The following NFIA variants were observed in gnomAD, a reference collection of about 807,000 sequenced individuals.
NFIA encodes the protein nuclear factor I A, also known as nuclear factor 1 A-type.
In NFIA, 8 loss-of-function variants were observed where a neutral mutation model predicts 62.8. The observed-to-expected ratio is 0.13, with a 90% CI of 0.07 to 0.23. The LOEUF is 0.23. Ranked by LOEUF, NFIA falls within the 10% of genes least tolerant of loss-of-function variation. The pLI is 1.00. For synonymous variants in NFIA, 235 were observed against 238.1 expected (o/e 0.99, Z 0.12); for missense variants, 410 against 642.1 (o/e 0.64, Z 3.91).
intron 2 of NFIA, among the ~76,000 whole-genome samples, chr1:61,154,844 TG>T (rs1278622017): frequency 6.6e-6 from 1 of 152,252 alleles, no homozygotes; most frequent in African/African-American, 2.4e-5. Flanking sequence ...GACCTATGAC[TG>T]TTAAAGCAGT....
chr1:61,211,507 C>T (rs947282233), intron 2 of NFIA, among the ~76,000 whole-genome samples: 4 of 152,106 alleles, frequency 2.6e-5, no homozygotes, highest in African/African-American at 9.7e-5. Context: ...TCTCAACAAC[C>T]TTTTAAGTCT....
intron 7 of NFIA, among the ~76,000 whole-genome samples, chr1:61,393,690 T>TC (rs1267531791): frequency 1.3e-5 from 2 of 152,050 alleles, no homozygotes; most frequent in Non-Finnish European, 1.5e-5. Context: ...GACAGAGAGT[T>TC]CCCCAAAGAA....
intron 2 of NFIA, among the ~76,000 whole-genome samples, chr1:61,255,158 GAGAAA>G (rs763472349): frequency 9.2e-5 from 14 of 152,242 alleles, no homozygotes; most frequent in Admixed American, 6.5e-4. Context: ...AGACTCAAAA[GAGAAA>G]AGAAAAAGCA....
chr1:61,118,659 AGTGTGTGTGT>A (rs5774536), intron 2 of NFIA, among the ~76,000 whole-genome samples: 11,298 of 145,122 alleles, frequency 0.078, 477 homozygotes, highest in East Asian at 0.1. Context: ...GGTCGGGATG[AGTGTGTGTGT>A]GTGTGTGTGT....
At chr1:61,294,187 T>C (rs1265340172) in intron 3 of NFIA, among the ~76,000 whole-genome samples, 2 of 152,226 alleles carry the variant, frequency 1.3e-5, no homozygotes, top group African/African-American at 4.8e-5. Flanking sequence ...AATTTCTTAA[T>C]GCTTACATTG....
intron 10 of NFIA, among the ~76,000 whole-genome samples, chr1:61,433,550 TCA>T (rs57237214): frequency 4.6e-5 from 7 of 150,682 alleles, no homozygotes; most frequent in East Asian, 3.9e-4. Context: ...GTATATATAC[TCA>T]CACACACACA....
At chr1:61,277,457 C>A in intron 2 of NFIA, 63 bp from the exon 3 acceptor site, 2 of 1,500,318 alleles carry the variant, frequency 1.3e-6, no homozygotes, top group Admixed American at 1.7e-5. Flanking sequence ...GAAAGTCTGG[C>A]ACCTCTGATG....
chr1:61,310,664 G>A (rs1044001649), intron 3 of NFIA, among the ~76,000 whole-genome samples: 1 of 152,098 alleles, frequency 6.6e-6, no homozygotes, highest in Non-Finnish European at 1.5e-5. Context: ...CCCAGCTCCA[G>A]CCATCACAAA....
intron 2 of NFIA, chr1:61,249,058 G>A (rs952170554): frequency 3.3e-5 from 5 of 152,158 alleles, no homozygotes; most frequent in Non-Finnish European, 7.4e-5. Context: ...ATTATTTGGT[G>A]ATCCATTCAA....
At chr1:61,144,759 G>T (rs539774984) in intron 2 of NFIA, among the ~76,000 whole-genome samples, 8 of 152,180 alleles carry the variant, frequency 5.3e-5, no homozygotes, top group Non-Finnish European at 1.0e-4. Flanking sequence ...CACCTGGCCT[G>T]GCACAGGGTA....
At chr1:61,406,845 G>C (rs1166895464) in intron 9 of NFIA, 118 bp downstream of exon 9, 1 of 1,206,926 alleles carries the variant, frequency 8.3e-7, no homozygotes, top group African/African-American at 1.6e-5. Flanking sequence ...CCCCAGTGAT[G>C]TTGTAGCATG....
upstream of NFIA, among the ~76,000 whole-genome samples, chr1:61,079,140 T>G (rs1646066497): frequency 6.6e-6 from 1 of 152,160 alleles, no homozygotes; most frequent in Non-Finnish European, 1.5e-5. Flanking sequence ...TGATTCAATT[T>G]AGGATTATAT....
At chr1:61,115,329 T>A (rs1476560909) in intron 2 of NFIA, among the ~76,000 whole-genome samples, 1 of 152,032 alleles carries the variant, frequency 6.6e-6, no homozygotes, top group African/African-American at 2.4e-5. Flanking sequence ...ATGGTACAGG[T>A]TGGTAGAAGA....
intron 7 of NFIA, among the ~76,000 whole-genome samples, chr1:61,396,546 C>T (rs887458927): frequency 6.6e-6 from 1 of 152,062 alleles, no homozygotes; most frequent in Admixed American, 6.6e-5. Context: ...CACACCCAGC[C>T]GAAAAGTATT....
At chr1:61,096,146 GAAA>G (rs201265878) in intron 2 of NFIA, among the ~76,000 whole-genome samples, 1 of 152,004 alleles carries the variant, frequency 6.6e-6, no homozygotes, top group African/African-American at 2.4e-5. Context: ...ATTAAAATAG[GAAA>G]AAAATTGAAG....
chr1:61,450,488 G>A (rs1252857703), intron 10 of NFIA, among the ~76,000 whole-genome samples: 1 of 152,222 alleles, frequency 6.6e-6, no homozygotes, highest in Non-Finnish European at 1.5e-5. Context: ...AAGAGAGAAT[G>A]CACAACAGCG....
chr1:61,168,456 A>G (rs1261952689), intron 2 of NFIA, among the ~76,000 whole-genome samples: 1 of 152,248 alleles, frequency 6.6e-6, no homozygotes, highest in South Asian at 2.1e-4. Flanking sequence ...ATGGGGAATG[A>G]TTAAATAAAA....
At chr1:61,396,555 T>G (rs953250529) in intron 7 of NFIA, among the ~76,000 whole-genome samples, 2 of 152,098 alleles carry the variant, frequency 1.3e-5, no homozygotes, top group African/African-American at 4.8e-5. Flanking sequence ...CCGAAAAGTA[T>G]TTCTAGTAGT....
At position 61,297,728 on chromosome 1, in the gene NFIA, T is replaced by C. The variant is rs145027306; in HGVS notation, c.625+20143T>C. ...AGGTGATAGGCAGGTTTGCACCTAA[T>C]AACAATGCAGGGTAAATATGCTAAG... is the stretch of plus-strand genomic sequence containing the variant. On this transcript the variant is annotated intron_variant, in intron 3 of 10. Transcript: ENST00000403491. Among the ~76,000 whole-genome samples the C allele has an allele frequency of 4.6e-3, 699 of 152,228 alleles. 3 individuals are homozygous for C. The highest frequency in any genetic ancestry group is 7.1e-3 in the Non-Finnish European group (483 of 68,016).
Sources: gnomAD v4.1 joint callset for allele counts (sites outside exome capture counted in the v4.1 genomes callset) on GRCh38, gnomAD v4.1.1 for gene constraint, MANE v1.5 for transcripts, NCBI Gene and HGNC (gene_info 2026-07-23, HGNC 2026-07-21) for gene names.